Variants in RNF125 observed in about 807,000 individuals in gnomAD.
RNF125 encodes E3 ubiquitin-protein ligase RNF125.
RNF125 carries 21 observed loss-of-function variants against 26.0 expected under a neutral mutation model. The observed-to-expected ratio is 0.81, with a 90% CI of 0.57 to 1.16. The LOEUF is 1.16. RNF125 is among the 50% of genes most tolerant of loss of function. RNF125 has a pLI of 0.00. For missense variants in RNF125, 270 were observed against 299.4 expected (o/e 0.90, Z 0.72); for synonymous variants, 95 against 109.2 (o/e 0.87, Z 0.81).
rs1246623876 is a variant in RNF125, at chr18:32,072,009, CTCTT to C, written c.*3629_*3632del. The C allele has an allele frequency of 5.3e-5, 8 of 152,102 alleles. No individual in the cohort carries two copies. The highest frequency in any genetic ancestry group is 1.0e-4 in the Non-Finnish European group (7 of 68,054). The allele number at this position is 152,102 out of a possible 1,614,324, so 9.4% of individuals were successfully genotyped here. ...GACCAACCTGGGCAATATAGTGAGA[CTCTT>C]TCTATTTAAACAAAAACAAAAACAA... is the stretch of plus-strand genomic sequence containing the variant. On this transcript the variant is annotated 3_prime_UTR_variant, in exon 6 of 6. Coordinates refer to ENST00000217740, the MANE Select transcript of RNF125 (RefSeq NM_017831.4).
At chr18:32,061,587 G>A (rs1324866310) in intron 4 of RNF125, among the ~76,000 whole-genome samples, 1 of 152,090 alleles carries the variant, frequency 6.6e-6, no homozygotes, top group Non-Finnish European at 1.5e-5. Flanking sequence ...CTTTCTTTTA[G>A]GATTTACTGC....
At chr18:32,026,295 C>G (rs912038265) in intron 1 of RNF125, among the ~76,000 whole-genome samples, 2 of 133,052 alleles carry the variant, frequency 1.5e-5, no homozygotes, top group African/African-American at 5.9e-5. Flanking sequence ...GTCGTCCAGG[C>G]TAGAGTGCAG....
chr18:32,086,801 G>T, the RNF125 span, among the ~76,000 whole-genome samples: 1 of 152,088 alleles, frequency 6.6e-6, no homozygotes, highest in Non-Finnish European at 1.5e-5. Flanking sequence ...TTTCAGGTAT[G>T]AGCCACCATG....
Position 32,023,952 on chromosome 18 carries a change from A to G in RNF125, c.164+4925A>G, listed in dbSNP as rs555785964. Among the ~76,000 whole-genome samples, 3 of 152,300 alleles carry G rather than the reference A, an allele frequency of 2.0e-5. No individual in the cohort carries two copies. In the South Asian group the frequency reaches 6.2e-4, roughly 32 times the overall value. ...ATTTTACTTTTGAATCAGTATATCAATAATAAATTTAAATAAAACCTAATA... is the reference window on the plus strand; with the variant it reads ...ATTTTACTTTTGAATCAGTATATCAGTAATAAATTTAAATAAAACCTAATA... On this transcript the variant is annotated intron_variant, in intron 1 of 5. Transcript: ENST00000217740.
chr18:32,066,363 G>A (rs766432983), intron 5 of RNF125, among the ~76,000 whole-genome samples: 34 of 151,924 alleles, frequency 2.2e-4, no homozygotes, highest in Non-Finnish European at 4.4e-4. Flanking sequence ...GTAGGCTGAG[G>A]CAGGAGAATC....
downstream of RNF125, among the ~76,000 whole-genome samples, chr18:32,073,660 G>GCTGT (rs1252193286): frequency 6.6e-6 from 1 of 152,156 alleles, no homozygotes; most frequent in African/African-American, 2.4e-5. Context: ...GTTTTGAATG[G>GCTGT]CTGTAGCTGT....
chr18:32,053,910 G>A (rs1249041745), intron 4 of RNF125, among the ~76,000 whole-genome samples: 2 of 151,950 alleles, frequency 1.3e-5, no homozygotes, highest in African/African-American at 4.8e-5. Context: ...ACTAGGGGGG[G>A]AGACAGGGTA....
chr18:32,039,207 A>G (rs1249495066), intron 2 of RNF125, among the ~76,000 whole-genome samples: 1 of 151,704 alleles, frequency 6.6e-6, no homozygotes, highest in African/African-American at 2.4e-5. Context: ...TTCAAGACCA[A>G]CCTGGGAAGA....
chr18:32,037,414 C>T (rs2039169440), intron 2 of RNF125, 145 bp downstream of exon 2: 1 of 509,766 alleles, frequency 2.0e-6, no homozygotes. Flanking sequence ...CTCTTTCACC[C>T]AGGTTGGAGT....
intron 4 of RNF125, among the ~76,000 whole-genome samples, chr18:32,058,960 A>T (rs2039411335): frequency 6.6e-6 from 1 of 152,144 alleles, no homozygotes; most frequent in African/African-American, 2.4e-5. Context: ...ACAAAATCTC[A>T]TTCGTTTTTA....
At chr18:32,037,983 G>C (rs933703494) in intron 2 of RNF125, among the ~76,000 whole-genome samples, 7 of 151,648 alleles carry the variant, frequency 4.6e-5, no homozygotes, top group African/African-American at 1.7e-4. Context: ...TGTTGTGGGA[G>C]CTTTGTCCTT....
intron 4 of RNF125, among the ~76,000 whole-genome samples, chr18:32,062,638 C>A (rs2039445261): frequency 6.6e-6 from 1 of 152,024 alleles, no homozygotes; most frequent in South Asian, 2.1e-4. Context: ...TATATAAAGA[C>A]CTCATTTAAA....
chr18:32,033,035 A>G (rs537157672), intron 1 of RNF125, among the ~76,000 whole-genome samples: 1 of 152,284 alleles, frequency 6.6e-6, no homozygotes, highest in Admixed American at 6.5e-5. Flanking sequence ...ACGATACACA[A>G]TGTAGAAATT....
downstream of RNF125, chr18:32,076,389 C>A (rs78318378): frequency 1.1e-4 from 21 of 198,116 alleles, no homozygotes; most frequent in East Asian, 3.2e-3. Context: ...GATTACAGCT[C>A]ACTGCAACCT....
downstream of RNF125, among the ~76,000 whole-genome samples, chr18:32,077,381 AGACG>A (rs1288844130): frequency 7.4e-6 from 1 of 135,228 alleles, no homozygotes; most frequent in East Asian, 2.2e-4. Context: ...CCAACACTTA[AGACG>A]GAGTCTTGCT....
intron 3 of RNF125, 55 bp downstream of exon 3, chr18:32,042,328 T>G: frequency 9.0e-7 from 1 of 1,108,430 alleles, no homozygotes; most frequent in Non-Finnish European, 1.3e-6. Context: ...TTATAAAGAA[T>G]TTAATGGGCT....
intron 1 of RNF125, among the ~76,000 whole-genome samples, chr18:32,032,417 T>G (rs1287627594): frequency 6.6e-6 from 1 of 151,638 alleles, no homozygotes; most frequent in Admixed American, 6.6e-5. Flanking sequence ...CACTCTGTGT[T>G]GGCCAGGCTG....
At chr18:32,050,865 C>CCTTTTT (rs1491509832) in intron 4 of RNF125, among the ~76,000 whole-genome samples, 4 of 46,344 alleles carry the variant, frequency 8.6e-5, no homozygotes, top group South Asian at 1.1e-3. Flanking sequence ...GTCTAGAGTG[C>CCTTTTT]TTTTTTTTTT....
At chr18:32,076,605 C>G (rs1272553731), downstream of RNF125, among the ~76,000 whole-genome samples, 1 of 152,166 alleles carries the variant, frequency 6.6e-6, no homozygotes, top group African/African-American at 2.4e-5. Context: ...GCCAACACGC[C>G]CGGCCTCCAT....
Sources: allele counts gnomAD v4.1 joint callset (sites outside exome capture counted in the v4.1 genomes callset), GRCh38; gene constraint gnomAD v4.1.1; transcripts MANE v1.5; gene names NCBI Gene and HGNC (gene_info 2026-07-23, HGNC 2026-07-21).